The following TAB1 variants were observed in gnomAD, a reference collection of about 807,000 sequenced individuals.
TAB1 encodes the protein TGF-beta-activated kinase 1 and MAP3K7-binding protein 1.
In TAB1, 30 loss-of-function variants were observed where a neutral mutation model predicts 54.5. The observed-to-expected ratio is 0.55, with a 90% CI of 0.41 to 0.75. The LOEUF is 0.75. TAB1 is among the 30% of genes least tolerant of loss of function. TAB1 has a pLI of 0.00. For missense variants in TAB1, 609 were observed against 683.2 expected, an observed-to-expected ratio of 0.89 and a Z score of 1.21; for synonymous variants, 289 against 286.9, an observed-to-expected ratio of 1.01 and a Z score of -0.07.
rs772849561 is a variant in TAB1 at position 39,426,744 on chromosome 22, C to T, written c.963C>T (p.Thr321=). The change falls in exon 9 of 11, where the codon ACC becomes ACT. Residue 321 remains threonine (T), a synonymous_variant. Transcript: ENST00000216160. ...TTGACACTGAGTTTGCCAAGCAGACCTCCCTGGACGCAGTGGCCCAGGCCG... is the reference window on the plus strand; with the variant it reads ...TTGACACTGAGTTTGCCAAGCAGACTTCCCTGGACGCAGTGGCCCAGGCCG... ...AMIDTEFAKQ[T]SLDAVAQAVV... 86 of 1,610,004 alleles carry T rather than the reference C, an allele frequency of 5.3e-5. No individual in the cohort carries two copies. The highest frequency in any genetic ancestry group is 7.3e-5 in the Non-Finnish European group (86 of 1,176,664).
At chr22:39,422,509 A>G (rs896280587) in intron 8 of TAB1, among the ~76,000 whole-genome samples, 1 of 148,962 alleles carries the variant, frequency 6.7e-6, no homozygotes, top group East Asian at 2.0e-4. Context: ...CCCGGGTTCA[A>G]GCAGTTCTCT....
In TAB1 at chr22:39,415,463, T is replaced by G; in HGVS notation, c.171-37T>G. 6.3e-7 allele frequency: 1 copy of G among 1,594,284 alleles called. No individual in the cohort carries two copies. The highest frequency in any genetic ancestry group is 8.6e-7 in the Non-Finnish European group (1 of 1,164,728). ...TTCTCCCTCCACCTCCGTGAGACCC[T>G]GGTCTCAGGCCTCCCTCTGCCCTCT... On this transcript the variant is annotated intron_variant, in intron 2 of 10. Coordinates refer to ENST00000216160, the MANE Select transcript of TAB1 (RefSeq NM_006116.3). The surrounding 1 kb of genome is among the most constrained non-coding windows in gnomAD (Gnocchi z 4.9).
Position 39,415,388 on chromosome 22 carries a change from C to T in TAB1, c.171-112C>T, listed in dbSNP as rs34005888. ...CTAAAGCAGGGGGACCCAGGAGGGCCCCTGAAGCTGCAGCTGCTGTCGCTT... is the reference window on the plus strand; with the variant it reads ...CTAAAGCAGGGGGACCCAGGAGGGCTCCTGAAGCTGCAGCTGCTGTCGCTT... On this transcript the variant is annotated intron_variant, in intron 2 of 10. Coordinates refer to ENST00000216160, the MANE Select transcript of TAB1 (RefSeq NM_006116.3). The surrounding 1 kb of genome is among the most constrained non-coding windows in gnomAD (Gnocchi z 4.9). 2.0e-3 allele frequency: 2,689 copies of T among 1,337,582 alleles called. 51 individuals carry two copies. The African/African-American group carries it at 0.033, about 17-fold the overall frequency. 82.9% of individuals were successfully genotyped at this position (1,337,582 alleles called of 1,614,324 possible).
At chr22:39,432,770 T>G (rs1394168153), downstream of TAB1, 1 of 985,596 alleles carries the variant, frequency 1.0e-6, no homozygotes, top group Non-Finnish European at 1.2e-6. Flanking sequence ...GCCCTAAGCG[T>G]GTGGGGCCGG....
rs576726723 is a variant in TAB1, at chr22:39,426,425, CGTATTCACCCAGTCAAATGGAT to C, written c.922-275_922-254del. Among the ~76,000 whole-genome samples the C allele has an allele frequency of 3.6e-3, 549 of 152,310 alleles. 4 individuals are homozygous for C. Among genetic ancestry groups the C allele is most frequent in the African/African-American group, 0.013 (535 of 41,564 alleles). On this transcript the variant is annotated intron_variant, in intron 8 of 10. Coordinates refer to ENST00000216160, the MANE Select transcript of TAB1 (RefSeq NM_006116.3). ...TCTCACACCACTGTTAGTTAATACTCGTATTCACCCAGTCAAATGGATGTTCTCCCCATCCTAGAGGTGTGCA... is the reference window on the plus strand; with the variant it reads ...TCTCACACCACTGTTAGTTAATACTCGTTCTCCCCATCCTAGAGGTGTGCA...
downstream of TAB1, chr22:39,436,746 CT>C (rs1927801470): frequency 6.6e-6 from 4 of 604,278 alleles, no homozygotes; most frequent in Middle Eastern, 8.8e-4. Context: ...CTTCCCTCAC[CT>C]AGAATGGCCC....
rs759631954 is a variant in TAB1, at chr22:39,426,899, G to A, written c.1118G>A (p.Ser373Asn). The A allele has an allele frequency of 6.2e-7, 1 of 1,612,328 alleles. No individual in the cohort carries two copies. The highest frequency in any genetic ancestry group is 1.1e-5 in the South Asian group (1 of 91,084). ...RNFGYPLGEM[S>N]QPTPSPAPAA... ...TTTGGCTACCCGCTGGGCGAAATGAGCCAGCCCACACCGAGCCCAGCCCCA... is the reference window on the plus strand; with the variant it reads ...TTTGGCTACCCGCTGGGCGAAATGAACCAGCCCACACCGAGCCCAGCCCCA... The change falls in exon 9 of 11, where the codon AGC (serine) becomes AAC (asparagine). Residue 373 changes from serine (S) to asparagine (N), a missense_variant. Transcript: ENST00000216160.
Position 39,430,328 on chromosome 22 carries a change from C to G in TAB1, c.*106C>G, listed in dbSNP as rs35053016. On this transcript the variant is annotated 3_prime_UTR_variant, in exon 11 of 11. Transcript: ENST00000216160. ...CACAACGGCCAGCAGGTGCCCCATC[C>G]TCTGCCCACAGCAGACTCTGTCCCA... 7.3e-4 allele frequency: 1,134 copies of G among 1,548,486 alleles called. 6 individuals are homozygous for G. In the African/African-American group the frequency reaches 9.7e-3, roughly 13 times the overall value.
chr22:39,404,172 G>T (rs1926267167), intron 1 of TAB1, among the ~76,000 whole-genome samples: 2 of 152,350 alleles, frequency 1.3e-5, no homozygotes, highest in South Asian at 4.1e-4. Context: ...GGACTCTTAA[G>T]GTTTTGGTTT....
At chr22:39,419,454 G>A (rs1253677643) in intron 6 of TAB1, 65 bp from the exon 7 acceptor site, 15 of 1,342,056 alleles carry the variant, frequency 1.1e-5, no homozygotes, top group Middle Eastern at 1.9e-4. Flanking sequence ...CTGTGTCTCT[G>A]TCCCCTTCTT....
chr22:39,420,530 C>T (rs1035145733), intron 7 of TAB1, among the ~76,000 whole-genome samples: 2 of 152,178 alleles, frequency 1.3e-5, no homozygotes, highest in African/African-American at 4.8e-5. Flanking sequence ...TGTTAGAACT[C>T]CTTGCCCTCA....
At chr22:39,417,876 G>A (rs1926907931) in intron 5 of TAB1, 27 bp downstream of exon 5, 1 of 1,578,332 alleles carries the variant, frequency 6.3e-7, no homozygotes, top group Non-Finnish European at 8.6e-7. Flanking sequence ...CCCAGGGCAG[G>A]GAGGACTGGG....
chr22:39,412,945 C>T (rs1418713488), intron 1 of TAB1, among the ~76,000 whole-genome samples: 8 of 122,850 alleles, frequency 6.5e-5, no homozygotes, highest in African/African-American at 1.3e-4. Context: ...GATGGAGTCT[C>T]GCTCTGTCAC....
intron 1 of TAB1, among the ~76,000 whole-genome samples, chr22:39,405,743 G>A (rs17001091): frequency 0.079 from 12,083 of 152,272 alleles, 582 homozygotes; most frequent in Non-Finnish European, 0.11. Flanking sequence ...AGCAATGGAC[G>A]CTCGGTATGG....
At position 39,420,819 on chromosome 22, in the gene TAB1, T is replaced by TGTGTGTGTG. The variant is rs1406446293; in HGVS notation, c.777-1008_777-1007insGTGTGTGTG. On this transcript the variant is annotated intron_variant, in intron 7 of 10. Transcript: ENST00000216160. Reference sequence around the variant, plus strand: ...TGTGTGTGTGTGTGTGTGTGTGTGTTTGTCCTGGGGGCCAAGGAGCCTGCA... The same window carrying TGTGTGTGTG: ...TGTGTGTGTGTGTGTGTGTGTGTGTTGTGTGTGTGTGTCCTGGGGGCCAAGGAGCCTGCA... Among the ~76,000 whole-genome samples, 36 of 25,426 alleles carry TGTGTGTGTG rather than the reference T, an allele frequency of 1.4e-3. 1 individual carries two copies. The highest frequency in any genetic ancestry group is 5.2e-3 in the South Asian group (4 of 774). 16.7% of individuals were successfully genotyped at this position (25,426 alleles called of 152,430 possible). A position where few individuals can be genotyped will look rare whatever the true frequency, so the allele number is the denominator to read the frequency against.
intron 8 of TAB1, among the ~76,000 whole-genome samples, chr22:39,423,379 C>T (rs962055906): frequency 2.0e-5 from 3 of 152,152 alleles, no homozygotes; most frequent in South Asian, 2.1e-4. Context: ...CCGAGGCAGG[C>T]GGATCACTTG....
chr22:39,422,748 C>T (rs953888189), intron 8 of TAB1, among the ~76,000 whole-genome samples: 3 of 152,084 alleles, frequency 2.0e-5, no homozygotes, highest in East Asian at 1.9e-4. Context: ...TTTGTGAGAT[C>T]GCAGTGAGGT....
downstream of TAB1, chr22:39,433,268 G>A (rs58641840): frequency 5.3e-4 from 461 of 872,384 alleles, 9 homozygotes; most frequent in East Asian, 0.039. Context: ...TGGCTAACAC[G>A]GTGAAACCCT....
At chr22:39,434,854 T>C (rs1038766496), downstream of TAB1, among the ~76,000 whole-genome samples, 2 of 152,260 alleles carry the variant, frequency 1.3e-5, no homozygotes, top group African/African-American at 4.8e-5. Context: ...ATTAAGCTCC[T>C]GCACTCGGCA....
Sources: allele counts gnomAD v4.1 joint callset (sites outside exome capture counted in the v4.1 genomes callset), GRCh38; gene constraint gnomAD v4.1.1; non-coding constraint Gnocchi (gnomAD v3.1); transcripts MANE v1.5; gene names NCBI Gene and HGNC (gene_info 2026-07-23, HGNC 2026-07-21).